Variants in PEBP4 observed in about 807,000 individuals in gnomAD.
The protein encoded by PEBP4 is phosphatidylethanolamine binding protein 4.
Under a neutral mutation model 23.9 loss-of-function variants are expected in PEBP4, and 22 were observed. That is an observed-to-expected ratio of 0.92 (90% confidence interval 0.66 to 1.31). The LOEUF is 1.31. Among genes scored for constraint, PEBP4 ranks in the 40% most tolerant of loss-of-function variants. The probability of loss-of-function intolerance (pLI) is 0.00; values close to 1 mark genes in which losing one functional copy is unlikely to be tolerated. For synonymous variants in PEBP4, 112 were observed against 99.3 expected, an observed-to-expected ratio of 1.13 and a Z score of -0.76; for missense variants, 324 against 281.7, an observed-to-expected ratio of 1.15 and a Z score of -1.07.
chr8:22,741,063 G>T (rs1804979858), intron 4 of PEBP4, among the ~76,000 whole-genome samples: 1 of 152,220 alleles, frequency 6.6e-6, no homozygotes, highest in Admixed American at 6.5e-5. Flanking sequence ...GGCGAGAGAA[G>T]AGTGGTTCTT....
At chr8:22,770,800 A>G (rs911776005) in intron 4 of PEBP4, among the ~76,000 whole-genome samples, 1 of 152,240 alleles carries the variant, frequency 6.6e-6, no homozygotes, top group Non-Finnish European at 1.5e-5. Context: ...AACGGAAAGC[A>G]CACGTATCCA....
Position 22,847,066 on chromosome 8 carries a change from A to G in PEBP4, c.259-29331T>C, listed in dbSNP as rs1807452736. The stretch of plus-strand genomic sequence containing the variant: ...TTGGTCCTCAAGAGAAATCACTTCC[A>G]TCACTGTGAATGATGTGCATGTCCA... On this transcript the variant is annotated intron_variant, in intron 3 of 6. Coordinates refer to ENST00000256404, the MANE Select transcript of PEBP4 (RefSeq NM_144962.3). 2.6e-5 allele frequency among the ~76,000 whole-genome samples: 4 copies of G among 152,218 alleles called. No individual in the cohort carries two copies. The South Asian group carries it at 8.3e-4, about 32-fold the overall frequency.
chr8:22,928,847 C>T (rs550051144), upstream of PEBP4, among the ~76,000 whole-genome samples: 6 of 152,300 alleles, frequency 3.9e-5, no homozygotes, highest in African/African-American at 1.2e-4. Context: ...ATGAGATCAT[C>T]GCTGTAAAGT....
At position 22,867,991 on chromosome 8, in the gene PEBP4, C is replaced by G. The variant is rs146490306; in HGVS notation, c.259-50256G>C. Among the ~76,000 whole-genome samples the G allele has an allele frequency of 3.9e-3, 595 of 152,268 alleles. 4 individuals are homozygous for G. Among genetic ancestry groups the G allele is most frequent in the South Asian group, 0.016 (76 of 4,816 alleles). On this transcript the variant is annotated intron_variant, in intron 3 of 6. Coordinates refer to ENST00000256404, the MANE Select transcript of PEBP4 (RefSeq NM_144962.3). ...CAGTCACCTCTGTGCATGCACAGACCGTAGGCAATAGGATCTAGCCCAGCC... is the reference window on the plus strand; with the variant it reads ...CAGTCACCTCTGTGCATGCACAGACGGTAGGCAATAGGATCTAGCCCAGCC...
intron 3 of PEBP4, among the ~76,000 whole-genome samples, chr8:22,902,538 G>A (rs1026060616): frequency 6.6e-6 from 1 of 152,006 alleles, no homozygotes; most frequent in Non-Finnish European, 1.5e-5. Context: ...TCTGATGCCT[G>A]GTTAGCCTCT....
intron 3 of PEBP4, among the ~76,000 whole-genome samples, chr8:22,831,955 G>C (rs1250651292): frequency 3.3e-5 from 5 of 152,202 alleles, no homozygotes; most frequent in Non-Finnish European, 7.3e-5. Context: ...TAGATGAAAA[G>C]GGCGGGGGCA....
chr8:22,878,235 A>AGAGGGAGGGAGGGC (rs1808169036), intron 3 of PEBP4: 1 of 76,616 alleles, frequency 1.3e-5, no homozygotes, highest in Non-Finnish European at 3.0e-5. Flanking sequence ...AGAGGGAGGG[A>AGAGGGAGGGAGGGC]GGGAGGGAGG....
At chr8:22,718,648 G>A (rs1041896187) in intron 6 of PEBP4, among the ~76,000 whole-genome samples, 3 of 152,108 alleles carry the variant, frequency 2.0e-5, no homozygotes, top group African/African-American at 4.8e-5. Context: ...GAGGAAGAGC[G>A]CCTCCTGCCA....
intron 5 of PEBP4, among the ~76,000 whole-genome samples, chr8:22,725,188 C>A (rs1804599661): frequency 6.6e-6 from 1 of 152,002 alleles, no homozygotes; most frequent in Admixed American, 6.6e-5. Flanking sequence ...GAGGAAACAC[C>A]CTGAGCTGGC....
At chr8:22,866,926 G>C (rs1392013419) in intron 3 of PEBP4, among the ~76,000 whole-genome samples, 3 of 152,174 alleles carry the variant, frequency 2.0e-5, no homozygotes, top group Non-Finnish European at 2.9e-5. Flanking sequence ...TGGGAGATGG[G>C]GAAGGGGACC....
At chr8:22,852,419 C>T (rs1807568966) in intron 3 of PEBP4, among the ~76,000 whole-genome samples, 1 of 152,078 alleles carries the variant, frequency 6.6e-6, no homozygotes, top group Non-Finnish European at 1.5e-5. Context: ...AACGACCATC[C>T]CAAGAGCACA....
chr8:22,898,611 C>T (rs1019994839), intron 3 of PEBP4, among the ~76,000 whole-genome samples: 1 of 152,010 alleles, frequency 6.6e-6, no homozygotes, highest in Non-Finnish European at 1.5e-5. Flanking sequence ...ACATTCATGC[C>T]CGAGGGAATG....
chr8:22,750,935 AG>A (rs1402502592), intron 4 of PEBP4, among the ~76,000 whole-genome samples: 4 of 152,220 alleles, frequency 2.6e-5, no homozygotes, highest in Non-Finnish European at 5.9e-5. Context: ...GGAGAGAGAG[AG>A]AAAAAAATGC....
chr8:22,932,032 A>G (rs1038995053), upstream of PEBP4, among the ~76,000 whole-genome samples: 4 of 152,198 alleles, frequency 2.6e-5, no homozygotes, highest in African/African-American at 9.7e-5. Flanking sequence ...CCGTCATGCA[A>G]TCCTGCTCCC....
At chr8:22,812,957 G>GTC (rs1328919784) in intron 4 of PEBP4, among the ~76,000 whole-genome samples, 1 of 152,136 alleles carries the variant, frequency 6.6e-6, no homozygotes, top group East Asian at 1.9e-4. Flanking sequence ...CGAAGTTGCA[G>GTC]TCTTAGAGAG....
At chr8:22,795,160 T>C (rs1348808308) in intron 4 of PEBP4, among the ~76,000 whole-genome samples, 1 of 34,544 alleles carries the variant, frequency 2.9e-5, no homozygotes, top group Non-Finnish European at 5.7e-5. Flanking sequence ...TATATATATA[T>C]ATATTTTTTT....
At chr8:22,818,485 G>T (rs1304761279) in intron 3 of PEBP4, among the ~76,000 whole-genome samples, 1 of 152,176 alleles carries the variant, frequency 6.6e-6, no homozygotes, top group Non-Finnish European at 1.5e-5. Flanking sequence ...CACCATTGTG[G>T]CCAGGGACAA....
intron 4 of PEBP4, among the ~76,000 whole-genome samples, chr8:22,776,765 A>G (rs1241212711): frequency 1.3e-5 from 2 of 148,920 alleles, no homozygotes; most frequent in Non-Finnish European, 3.0e-5. Flanking sequence ...ATGGTTGGTA[A>G]GCCATTTTTT....
chr8:22,792,290 A>C (rs1269695462), intron 4 of PEBP4, among the ~76,000 whole-genome samples: 2 of 152,190 alleles, frequency 1.3e-5, no homozygotes, highest in East Asian at 3.9e-4. Context: ...GCAATATTCC[A>C]AACAAAGGTG....
Sources: gnomAD v4.1 joint callset for allele counts (sites outside exome capture counted in the v4.1 genomes callset) on GRCh38, gnomAD v4.1.1 for gene constraint, MANE v1.5 for transcripts, NCBI Gene and HGNC (gene_info 2026-07-23, HGNC 2026-07-21) for gene names.